MARCHF3: variants seen among roughly 807,000 people sequenced by gnomAD.
MARCHF3 encodes membrane associated ring-CH-type finger 3.
Under a neutral mutation model 24.2 loss-of-function variants are expected in MARCHF3, and 13 were observed. The observed-to-expected ratio is 0.54, with a 90% CI of 0.35 to 0.85. The LOEUF (loss-of-function observed/expected upper bound fraction) is 0.85, where lower values mean the gene tolerates loss of function less well. Ranked by LOEUF, MARCHF3 falls within the 40% of genes least tolerant of loss-of-function variation. The pLI is 0.01. For synonymous variants in MARCHF3, 144 were observed against 137.3 expected (o/e 1.05, Z -0.34); for missense variants, 276 against 325.0 (o/e 0.85, Z 1.16).
At chr5:127,014,093 A>T (rs1055710778) in intron 1 of MARCHF3, among the ~76,000 whole-genome samples, 27 of 152,178 alleles carry the variant, frequency 1.8e-4, no homozygotes, top group African/African-American at 6.5e-4. Flanking sequence ...GCAAAGAAAA[A>T]AATTAACCAA....
intron 1 of MARCHF3, among the ~76,000 whole-genome samples, chr5:127,015,392 A>C (rs1319225037): frequency 3.9e-5 from 6 of 152,206 alleles, no homozygotes; most frequent in Admixed American, 3.3e-4. Context: ...GGGAAAGTGA[A>C]GTTCTTGCCA....
Position 126,987,177 on chromosome 5 carries a change from T to C in MARCHF3, c.-57+43173A>G, listed in dbSNP as rs533302682. Among the ~76,000 whole-genome samples the C allele has an allele frequency of 7.2e-5, 11 of 152,312 alleles. No individual in the cohort carries two copies. The South Asian group carries it at 1.9e-3, about 26-fold the overall frequency. On this transcript the variant is annotated intron_variant, in intron 1 of 4. Coordinates refer to ENST00000308660, the MANE Select transcript of MARCHF3 (RefSeq NM_178450.5). ...GAGAAGAAGGAATTCTGCCTCAAGATTGTAACATAGAAAATGAGGAGTTAT... is the reference window on the plus strand; with the variant it reads ...GAGAAGAAGGAATTCTGCCTCAAGACTGTAACATAGAAAATGAGGAGTTAT...
chr5:126,890,274 G>A (rs1454344047), intron 3 of MARCHF3, among the ~76,000 whole-genome samples: 3 of 150,234 alleles, frequency 2.0e-5, no homozygotes, highest in South Asian at 2.1e-4. Flanking sequence ...TTTTTTTTGA[G>A]GTAATGGTAT....
chr5:126,871,860 C>T (rs1752977994), intron 4 of MARCHF3, among the ~76,000 whole-genome samples: 1 of 151,926 alleles, frequency 6.6e-6, no homozygotes, highest in Non-Finnish European at 1.5e-5. Flanking sequence ...GCATACGCCA[C>T]CATGCCTGGC....
chr5:126,948,950 G>C (rs1561442173), intron 1 of MARCHF3, among the ~76,000 whole-genome samples: 1 of 152,150 alleles, frequency 6.6e-6, no homozygotes, highest in Non-Finnish European at 1.5e-5. Context: ...GTGGAGGTGG[G>C]AGGGTGAACA....
intron 3 of MARCHF3, among the ~76,000 whole-genome samples, chr5:126,908,653 C>T (rs985330667): frequency 6.6e-6 from 1 of 151,750 alleles, no homozygotes; most frequent in Non-Finnish European, 1.5e-5. Flanking sequence ...TGCTCTCGAG[C>T]CTTGGTTTTC....
chr5:126,992,545 A>C (rs1751804001), intron 1 of MARCHF3, among the ~76,000 whole-genome samples: 1 of 152,158 alleles, frequency 6.6e-6, no homozygotes, highest in Non-Finnish European at 1.5e-5. Context: ...CCGTGGCTGA[A>C]TGTCTCCCTT....
At chr5:126,901,963 C>G (rs1754120208) in intron 3 of MARCHF3, among the ~76,000 whole-genome samples, 1 of 152,124 alleles carries the variant, frequency 6.6e-6, no homozygotes, top group African/African-American at 2.4e-5. Context: ...CACCCCAACA[C>G]CCATGGAATA....
rs190148750 is a variant in MARCHF3 at position 127,001,751 on chromosome 5, T to C, written c.-57+28599A>G. On this transcript the variant is annotated intron_variant, in intron 1 of 4. Transcript: ENST00000308660. ...ACTTTTGTCCCTGTACAATCTATTC[T>C]CCACATAGCAGACAGTCATCAGGGT... is the stretch of plus-strand genomic sequence containing the variant. Among the ~76,000 whole-genome samples, 113 of 152,338 alleles carry C rather than the reference T, an allele frequency of 7.4e-4. 2 individuals carry two copies. The highest frequency in any genetic ancestry group is 1.6e-4 in the Non-Finnish European group (11 of 68,034).
chr5:126,957,598 A>G (rs1019205319), intron 1 of MARCHF3, among the ~76,000 whole-genome samples: 1 of 152,098 alleles, frequency 6.6e-6, no homozygotes, highest in African/African-American at 2.4e-5. Flanking sequence ...TTCTTTATTT[A>G]TATGTCATCT....
intron 1 of MARCHF3, among the ~76,000 whole-genome samples, chr5:126,998,915 G>A (rs1322269720): frequency 1.3e-5 from 2 of 152,176 alleles, no homozygotes; most frequent in Non-Finnish European, 2.9e-5. Context: ...CTGTGACTAA[G>A]AGTTGGAAAA....
At chr5:126,990,076 C>G (rs548523252) in intron 1 of MARCHF3, among the ~76,000 whole-genome samples, 4,390 of 11,694 alleles carry the variant, frequency 0.38, 235 homozygotes, top group East Asian at 0.5. Context: ...AAAAAAGAGC[C>G]CCCATTTAAC....
At chr5:127,001,896 C>G (rs1752136186) in intron 1 of MARCHF3, among the ~76,000 whole-genome samples, 1 of 152,190 alleles carries the variant, frequency 6.6e-6, no homozygotes, top group South Asian at 2.1e-4. Flanking sequence ...TGTCAGTGAT[C>G]TCATGGCATC....
At chr5:126,912,418 G>A (rs775893081) in intron 3 of MARCHF3, among the ~76,000 whole-genome samples, 14 of 152,166 alleles carry the variant, frequency 9.2e-5, no homozygotes, top group Admixed American at 2.6e-4. Context: ...TTGTCACATC[G>A]ATTTTGAAAT....
chr5:127,011,681 A>C (rs1229614860), intron 1 of MARCHF3, among the ~76,000 whole-genome samples: 1 of 152,170 alleles, frequency 6.6e-6, no homozygotes, highest in Non-Finnish European at 1.5e-5. Flanking sequence ...CTATATTATC[A>C]CACCTTCAAA....
At chr5:126,965,081 G>A (rs970543756) in intron 1 of MARCHF3, among the ~76,000 whole-genome samples, 12 of 149,940 alleles carry the variant, frequency 8.0e-5, no homozygotes, top group Admixed American at 4.6e-4. Context: ...TCTAGAATGT[G>A]TTTCTAATGA....
At chr5:127,014,598 T>A (rs1752575598) in intron 1 of MARCHF3, among the ~76,000 whole-genome samples, 1 of 152,196 alleles carries the variant, frequency 6.6e-6, no homozygotes, top group Non-Finnish European at 1.5e-5. Context: ...ATGTGGTATA[T>A]ATACACAATG....
chr5:126,878,302 C>T lies in MARCHF3; in HGVS notation c.486G>A (p.Ser162=), dbSNP rs146266199. The change falls in exon 4 of 5, where the codon TCG becomes TCA. Residue 162 remains serine (S), a synonymous_variant. Coordinates refer to ENST00000308660, the MANE Select transcript of MARCHF3 (RefSeq NM_178450.5). ...CGGCGCCCCGCAGGCACAGCCAGCC[C>T]GAGATGGTGGCCAGGGGAGTTATAA... ...FLFITPLATI[S]GWLCLRGAVD... is the part of the protein sequence containing the mutation. 2.7e-3 allele frequency: 4,323 copies of T among 1,614,198 alleles called. 24 individuals carry two copies. The highest frequency in any genetic ancestry group is 2.6e-3 in the South Asian group (239 of 91,080).
chr5:127,017,784 T>C (rs1319028872), intron 1 of MARCHF3, among the ~76,000 whole-genome samples: 2 of 152,246 alleles, frequency 1.3e-5, no homozygotes, highest in Non-Finnish European at 2.9e-5. Context: ...GATATCTGTA[T>C]CTTTTTTCAT....
Sources: gnomAD v4.1 joint callset for allele counts (sites outside exome capture counted in the v4.1 genomes callset) on GRCh38, gnomAD v4.1.1 for gene constraint, MANE v1.5 for transcripts, NCBI Gene and HGNC (gene_info 2026-07-23, HGNC 2026-07-21) for gene names.